NALF1: variants seen among roughly 807,000 people sequenced by gnomAD.
NALF1 encodes the protein NALCN channel auxiliary factor 1.
In NALF1, 3 loss-of-function variants were observed where a neutral mutation model predicts 48.4. The ratio of observed to expected loss-of-function variants is 0.06; its 90% CI spans 0.03 to 0.16. The LOEUF is 0.16. Ranked by LOEUF, NALF1 falls within the 10% of genes least tolerant of loss-of-function variation. The pLI is 1.00. For synonymous variants in NALF1, 262 were observed against 245.7 expected, an observed-to-expected ratio of 1.07 and a Z score of -0.62; for missense variants, 526 against 571.5, an observed-to-expected ratio of 0.92 and a Z score of 0.81.
At chr13:107,418,253 C>A (rs1884126859) in intron 1 of NALF1, among the ~76,000 whole-genome samples, 1 of 152,070 alleles carries the variant, frequency 6.6e-6, no homozygotes, top group South Asian at 2.1e-4. Flanking sequence ...CCCAGCAATT[C>A]CTGTCTCCAG....
At chr13:107,280,726 A>G (rs1881370399) in intron 1 of NALF1, among the ~76,000 whole-genome samples, 1 of 152,194 alleles carries the variant, frequency 6.6e-6, no homozygotes, top group Admixed American at 6.5e-5. Context: ...AATTGTGACC[A>G]GTCAGCTCTA....
intron 1 of NALF1, among the ~76,000 whole-genome samples, chr13:107,263,138 C>G (rs1197736966): frequency 1.3e-5 from 2 of 151,908 alleles, no homozygotes; most frequent in Non-Finnish European, 2.9e-5. Context: ...TCAGTCTGTT[C>G]CTGACCAAGA....
At chr13:107,328,481 C>A (rs1882408164) in intron 1 of NALF1, among the ~76,000 whole-genome samples, 1 of 152,118 alleles carries the variant, frequency 6.6e-6, no homozygotes, top group Admixed American at 6.5e-5. Context: ...CTCCAAAGTG[C>A]AACTAGTATG....
At chr13:107,412,524 C>T (rs34743818) in intron 1 of NALF1, among the ~76,000 whole-genome samples, 32,889 of 151,896 alleles carry the variant, frequency 0.22, 4,009 homozygotes, top group Middle Eastern at 0.28. Context: ...ATACTATATA[C>T]CATCTTCACC....
At chr13:107,833,080 T>C (rs1399836616) in intron 1 of NALF1, among the ~76,000 whole-genome samples, 1 of 152,316 alleles carries the variant, frequency 6.6e-6, no homozygotes, top group East Asian at 1.9e-4. Flanking sequence ...TAGCTAATGG[T>C]ACCCGCCCTG....
intron 1 of NALF1, among the ~76,000 whole-genome samples, chr13:107,707,194 T>A (rs1192716000): frequency 6.6e-6 from 1 of 151,922 alleles, no homozygotes. Context: ...AGTGCTGGGA[T>A]TACAGGCGTG....
chr13:107,725,617 G>A (rs9514727), intron 1 of NALF1, among the ~76,000 whole-genome samples: 4,482 of 152,050 alleles, frequency 0.029, 91 homozygotes, highest in African/African-American at 0.058. Context: ...CCAGGGAAGT[G>A]GAGGTTGCAG....
intron 1 of NALF1, among the ~76,000 whole-genome samples, chr13:107,246,641 A>G (rs1880591731): frequency 6.6e-6 from 1 of 152,200 alleles, no homozygotes; most frequent in Non-Finnish European, 1.5e-5. Context: ...GATCAAGAAC[A>G]TTTTTCTATT....
At chr13:107,695,673 C>T (rs1199086777) in intron 1 of NALF1, among the ~76,000 whole-genome samples, 2 of 152,114 alleles carry the variant, frequency 1.3e-5, no homozygotes, top group Non-Finnish European at 2.9e-5. Flanking sequence ...CCATTCTCCT[C>T]GGTTCTAGAT....
chr13:107,239,812 T>C (rs2138833885), intron 1 of NALF1, among the ~76,000 whole-genome samples: 1 of 152,134 alleles, frequency 6.6e-6, no homozygotes, highest in East Asian at 1.9e-4. Flanking sequence ...ATACGTATTT[T>C]CCCAATAGGT....
At chr13:107,212,122 CG>C (rs1416674233) in intron 1 of NALF1, among the ~76,000 whole-genome samples, 2 of 152,174 alleles carry the variant, frequency 1.3e-5, no homozygotes, top group East Asian at 3.9e-4. Context: ...TTCCATGCCC[CG>C]GGTCAATATC....
At chr13:107,389,291 C>T (rs1277446454) in intron 1 of NALF1, among the ~76,000 whole-genome samples, 1 of 152,218 alleles carries the variant, frequency 6.6e-6, no homozygotes, top group Non-Finnish European at 1.5e-5. Context: ...TCCTAACCCC[C>T]AGTACCTCAC....
At chr13:107,512,854 C>T (rs753347711) in intron 1 of NALF1, among the ~76,000 whole-genome samples, 2 of 152,126 alleles carry the variant, frequency 1.3e-5, no homozygotes, top group Non-Finnish European at 2.9e-5. Flanking sequence ...CCACCCGCTC[C>T]CTTTTTTAGC....
At chr13:107,673,803 C>G (rs552465244) in intron 1 of NALF1, among the ~76,000 whole-genome samples, 2 of 152,018 alleles carry the variant, frequency 1.3e-5, no homozygotes, top group Non-Finnish European at 2.9e-5. Context: ...TTTATAATTA[C>G]TATGTGTCAA....
chr13:107,856,342 C>T (rs1880440196), intron 1 of NALF1, among the ~76,000 whole-genome samples: 1 of 152,160 alleles, frequency 6.6e-6, no homozygotes, highest in South Asian at 2.1e-4. Flanking sequence ...ACTTCTCCTT[C>T]CCAGCACCAC....
chr13:107,441,207 G>C (rs1884553524), intron 1 of NALF1, among the ~76,000 whole-genome samples: 1 of 152,122 alleles, frequency 6.6e-6, no homozygotes, highest in African/African-American at 2.4e-5. Context: ...TTTGATATCT[G>C]ACAAGATTGA....
chr13:107,700,335 C>G (rs1335939251), intron 1 of NALF1, among the ~76,000 whole-genome samples: 1 of 151,754 alleles, frequency 6.6e-6, no homozygotes, highest in Non-Finnish European at 1.5e-5. Flanking sequence ...AACAGAGAGT[C>G]CAGAAATAAA....
intron 1 of NALF1, among the ~76,000 whole-genome samples, chr13:107,733,824 G>A (rs1876384900): frequency 6.6e-6 from 1 of 152,084 alleles, no homozygotes; most frequent in Non-Finnish European, 1.5e-5. Flanking sequence ...CCTGGAAGAG[G>A]AAAGCATAAG....
At chr13:107,420,880 G>A (rs993574697) in intron 1 of NALF1, among the ~76,000 whole-genome samples, 1 of 152,094 alleles carries the variant, frequency 6.6e-6, no homozygotes. Context: ...TTAGCTAGAA[G>A]ACATTTCATA....
Sources: gnomAD v4.1 joint callset for allele counts (sites outside exome capture counted in the v4.1 genomes callset) on GRCh38, gnomAD v4.1.1 for gene constraint, MANE v1.5 for transcripts, NCBI Gene and HGNC (gene_info 2026-07-23, HGNC 2026-07-21) for gene names.